Variants in MEGF11 observed in about 807,000 individuals in gnomAD.
MEGF11 encodes multiple EGF like domains 11.
In MEGF11, 126 loss-of-function variants were observed where a neutral mutation model predicts 146.6. The ratio of observed to expected loss-of-function variants is 0.86; its 90% CI spans 0.74 to 1.00. The LOEUF is 1.00. Among genes scored for constraint, MEGF11 ranks in the 50% least tolerant of loss-of-function variants. MEGF11 has a pLI of 0.00. For synonymous variants in MEGF11, 532 were observed against 583.4 expected (o/e 0.91, Z 1.27); for missense variants, 1,509 against 1,521.2 (o/e 0.99, Z 0.13).
intron 1 of MEGF11, among the ~76,000 whole-genome samples, chr15:66,196,605 T>C (rs1041724538): frequency 3.9e-5 from 6 of 152,184 alleles, no homozygotes; most frequent in African/African-American, 1.4e-4. Flanking sequence ...ACTCTACCTA[T>C]TTAGGTGCAG....
chr15:66,004,278 G>T lies in MEGF11; in HGVS notation c.395-21790C>A, dbSNP rs918573877. 3.9e-5 allele frequency among the ~76,000 whole-genome samples: 6 copies of T among 152,112 alleles called. No homozygotes were observed. In the South Asian group the frequency reaches 1.0e-3, roughly 26 times the overall value. On this transcript the variant is annotated intron_variant, in intron 5 of 25. Transcript: ENST00000395614. ...TTTGTTACATGAAGGGATTGAAAAAGGAGGTCTCTAGGAACTCTTCTGTCT... is the reference window on the plus strand; with the variant it reads ...TTTGTTACATGAAGGGATTGAAAAATGAGGTCTCTAGGAACTCTTCTGTCT...
At chr15:66,160,072 C>G (rs2089896573) in intron 1 of MEGF11, among the ~76,000 whole-genome samples, 1 of 152,186 alleles carries the variant, frequency 6.6e-6, no homozygotes. Context: ...GAGACCCTTT[C>G]ACCCCAGGAG....
chr15:66,168,913 G>A (rs1191320006), intron 1 of MEGF11, among the ~76,000 whole-genome samples: 1 of 152,176 alleles, frequency 6.6e-6, no homozygotes, highest in South Asian at 2.1e-4. Flanking sequence ...GCTTGAACCC[G>A]GGAGGTGGAG....
rs529451977 is a variant in MEGF11, at chr15:66,173,004, T to C, written c.-8-44593A>G. On this transcript the variant is annotated intron_variant, in intron 1 of 25. Transcript: ENST00000395614. Reference sequence around the variant, plus strand: ...TACCCTGGGAGGGGAGTGTTCAAGGTGCTATCAGGGCTCAAAGAACCTGTG... The same window carrying C: ...TACCCTGGGAGGGGAGTGTTCAAGGCGCTATCAGGGCTCAAAGAACCTGTG... Among the ~76,000 whole-genome samples the C allele has an allele frequency of 1.5e-4, 23 of 152,272 alleles. 1 individual carries two copies. Among genetic ancestry groups the C allele is most frequent in the Non-Finnish European group, 3.1e-4 (21 of 68,004 alleles).
At chr15:66,183,481 C>A (rs377168228) in intron 1 of MEGF11, among the ~76,000 whole-genome samples, 53 of 148,660 alleles carry the variant, frequency 3.6e-4, no homozygotes, top group African/African-American at 1.3e-3. Context: ...GCCTGGGCAA[C>A]AGAGCAAGAT....
intron 9 of MEGF11, among the ~76,000 whole-genome samples, chr15:65,959,400 A>T (rs1567176820): frequency 6.6e-6 from 1 of 152,248 alleles, no homozygotes; most frequent in Non-Finnish European, 1.5e-5. Flanking sequence ...GTAGCTAGTA[A>T]TCATTTCAGA....
chr15:66,225,000 G>A (rs1177048580), intron 1 of MEGF11, among the ~76,000 whole-genome samples: 2 of 152,188 alleles, frequency 1.3e-5, no homozygotes, highest in African/African-American at 4.8e-5. Context: ...GAAGGGTCTT[G>A]CTGGAGAATA....
intron 1 of MEGF11, among the ~76,000 whole-genome samples, chr15:66,221,990 G>A (rs957583746): frequency 2.0e-5 from 3 of 152,110 alleles, no homozygotes; most frequent in Non-Finnish European, 4.4e-5. Context: ...CAATTAGGCC[G>A]CTTGCACTTA....
At chr15:65,912,733 C>T (rs1368559743) in intron 20 of MEGF11, among the ~76,000 whole-genome samples, 1 of 152,226 alleles carries the variant, frequency 6.6e-6, no homozygotes, top group African/African-American at 2.4e-5. Flanking sequence ...GGGATGTCTG[C>T]TTTGGCTGTA....
At chr15:66,199,127 T>A (rs141052914) in intron 1 of MEGF11, among the ~76,000 whole-genome samples, 39 of 152,064 alleles carry the variant, frequency 2.6e-4, no homozygotes, top group Admixed American at 1.8e-3. Flanking sequence ...GTCTGTGGCA[T>A]GCAAGGGAAA....
intron 1 of MEGF11, among the ~76,000 whole-genome samples, chr15:66,205,945 A>G (rs72744499): frequency 0.05 from 7,677 of 152,338 alleles, 293 homozygotes; most frequent in East Asian, 0.11. Flanking sequence ...TGGATGAAAA[A>G]GAACAATCAA....
At chr15:65,954,767 C>T (rs1264549575) in intron 10 of MEGF11, among the ~76,000 whole-genome samples, 2 of 152,160 alleles carry the variant, frequency 1.3e-5, no homozygotes, top group Non-Finnish European at 2.9e-5. Flanking sequence ...GCACTGGGGA[C>T]AGTGAGCAAA....
chr15:65,937,359 G>C (rs1310765193), intron 10 of MEGF11, among the ~76,000 whole-genome samples: 1 of 152,196 alleles, frequency 6.6e-6, no homozygotes, highest in Non-Finnish European at 1.5e-5. Context: ...CCCTCAGCCA[G>C]GCCTGTCCCC....
chr15:65,939,032 G>A (rs1469549295), intron 10 of MEGF11, among the ~76,000 whole-genome samples: 2 of 152,176 alleles, frequency 1.3e-5, no homozygotes, highest in East Asian at 3.9e-4. Flanking sequence ...GGAGGAGGAT[G>A]GAAAGTGGTT....
intron 5 of MEGF11, among the ~76,000 whole-genome samples, chr15:66,061,860 A>T (rs1275583534): frequency 6.6e-6 from 1 of 151,786 alleles, no homozygotes; most frequent in Non-Finnish European, 1.5e-5. Flanking sequence ...TGATAATCAA[A>T]CTCCTGGGCT....
intron 1 of MEGF11, among the ~76,000 whole-genome samples, chr15:66,224,560 A>T (rs1288352246): frequency 6.7e-6 from 1 of 150,310 alleles, no homozygotes; most frequent in African/African-American, 2.4e-5. Flanking sequence ...CTCCAGCCTG[A>T]GCAACAGAGT....
intron 5 of MEGF11, among the ~76,000 whole-genome samples, chr15:66,076,496 T>C (rs964549240): frequency 5.9e-5 from 9 of 152,324 alleles, no homozygotes; most frequent in African/African-American, 1.9e-4. Flanking sequence ...CAGAATGGGT[T>C]TTCCTTATTA....
chr15:65,908,002 T>TA (rs1328491410), intron 23 of MEGF11, among the ~76,000 whole-genome samples: 3 of 152,218 alleles, frequency 2.0e-5, no homozygotes, highest in African/African-American at 7.2e-5. Context: ...TAGAAAGAGA[T>TA]ACAGGGTGGT....
At chr15:66,066,409 C>T (rs918162037) in intron 5 of MEGF11, among the ~76,000 whole-genome samples, 2 of 152,160 alleles carry the variant, frequency 1.3e-5, no homozygotes, top group South Asian at 2.1e-4. Flanking sequence ...GCTGGAAGCC[C>T]AGGGGGAATC....
Sources: allele counts gnomAD v4.1 joint callset (sites outside exome capture counted in the v4.1 genomes callset), GRCh38; gene constraint gnomAD v4.1.1; transcripts MANE v1.5; gene names NCBI Gene and HGNC (gene_info 2026-07-23, HGNC 2026-07-21).